The following RIMKLA variants were observed in gnomAD, a reference collection of about 807,000 sequenced individuals.
RIMKLA encodes N-acetylaspartylglutamate synthase A.
RIMKLA carries 14 observed loss-of-function variants against 32.7 expected under a neutral mutation model. That is an observed-to-expected ratio of 0.43 (90% CI 0.28 to 0.67). The LOEUF is 0.67. Ranked by LOEUF, RIMKLA falls within the 30% of genes least tolerant of loss-of-function variation. The pLI, the probability that RIMKLA is intolerant of heterozygous loss-of-function variation, is 0.18. For synonymous variants in RIMKLA, 176 were observed against 204.1 expected, an observed-to-expected ratio of 0.86 and a Z score of 1.18; for missense variants, 410 against 519.0, an observed-to-expected ratio of 0.79 and a Z score of 2.04.
chr1:42,401,199 C>T (rs913788611), intron 2 of RIMKLA, among the ~76,000 whole-genome samples: 1 of 152,016 alleles, frequency 6.6e-6, no homozygotes, highest in Non-Finnish European at 1.5e-5. Context: ...AATCTAATGC[C>T]GCCACTGATC....
intron 1 of RIMKLA, among the ~76,000 whole-genome samples, chr1:42,394,678 T>C (rs566639055): frequency 5.7e-4 from 87 of 152,338 alleles, no homozygotes; most frequent in African/African-American, 2.0e-3. Context: ...GCTATTTCTC[T>C]TTATCATAAA....
chr1:42,407,842 G>A (rs1643160709), intron 3 of RIMKLA, among the ~76,000 whole-genome samples: 1 of 152,084 alleles, frequency 6.6e-6, no homozygotes, highest in Non-Finnish European at 1.5e-5. Context: ...CAAACTGCTT[G>A]GCACTTAGTA....
intron 1 of RIMKLA, among the ~76,000 whole-genome samples, chr1:42,390,002 A>G (rs1000188427): frequency 1.3e-5 from 2 of 151,676 alleles, no homozygotes; most frequent in African/African-American, 4.8e-5. Flanking sequence ...AAAGGCTATC[A>G]GGATTGAGAC....
rs1024987970 is a variant in RIMKLA, at chr1:42,423,412, C to A, written c.*8438C>A. Among the ~76,000 whole-genome samples the A allele has an allele frequency of 1.3e-5, 2 of 152,158 alleles. No individual in the cohort carries two copies. Among genetic ancestry groups the A allele is most frequent in the Non-Finnish European group, 2.9e-5 (2 of 68,026 alleles). On this transcript the variant is annotated 3_prime_UTR_variant, in exon 5 of 5. Coordinates refer to ENST00000431473, the MANE Select transcript of RIMKLA (RefSeq NM_173642.4). ...CACATATAAAAAGATTAGCAGTAAT[C>A]CCTTGATACCATCTAATTCCCAGTC...
chr1:42,402,636 GGT>G (rs1220968324), intron 2 of RIMKLA, among the ~76,000 whole-genome samples: 1 of 151,312 alleles, frequency 6.6e-6, no homozygotes. Context: ...TGTTGCCCAG[GGT>G]GTACTGCAGT....
chr1:42,419,143 T>C lies in RIMKLA; in HGVS notation c.*4169T>C, dbSNP rs907748851. 6.6e-6 allele frequency: 1 copy of C among 152,236 alleles called. No individual in the cohort carries two copies. The highest frequency in any genetic ancestry group is 1.5e-5 in the Non-Finnish European group (1 of 68,050). The allele number at this position is 152,236 out of a possible 1,614,324, so 9.4% of individuals were successfully genotyped here. On this transcript the variant is annotated 3_prime_UTR_variant, in exon 5 of 5. Transcript: ENST00000431473. ...TAAGGGCTATAATGTTATAATCTTTTCCTAAAACTAAATCATGCCTCCATT... is the reference window on the plus strand; with the variant it reads ...TAAGGGCTATAATGTTATAATCTTTCCCTAAAACTAAATCATGCCTCCATT...
Position 42,380,876 on chromosome 1 carries a change from G to A in RIMKLA, c.-59G>A. 8.4e-7 allele frequency: 1 copy of A among 1,188,820 alleles called. No homozygotes were observed. The highest frequency in any genetic ancestry group is 3.5e-5 in the East Asian group (1 of 28,576). The allele number at this position is 1,188,820 out of a possible 1,614,324, so 73.6% of individuals were successfully genotyped here. A position where few individuals can be genotyped will look rare whatever the true frequency, so the allele number is the denominator to read the frequency against. On this transcript the variant is annotated 5_prime_UTR_variant, in exon 1 of 5. Coordinates refer to ENST00000431473, the MANE Select transcript of RIMKLA (RefSeq NM_173642.4). ...GCCGCCCCTCCGCTCGCCCTACTGA[G>A]CGAGCGGCCCGGGGCGCCGAGGGGT...
Position 42,410,137 on chromosome 1 carries a change from C to G in RIMKLA, c.635C>G (p.Ser212Cys). The G allele has an allele frequency of 1.9e-6, 3 of 1,614,158 alleles. No individual in the cohort carries two copies. The highest frequency in any genetic ancestry group is 2.5e-6 in the Non-Finnish European group (3 of 1,180,034). ...GTGGTAGGGGGCCAGGTCATAGGCT[C>G]TATGCTTCGCTGCTCCACTGATGGA... Reference protein sequence around the residue: ...VVVVGGQVIGSMLRCSTDGRM... With the variant: ...VVVVGGQVIGCMLRCSTDGRM... The change falls in exon 4 of 5, where the codon TCT (serine) becomes TGT (cysteine). Residue 212 changes from serine (S) to cysteine (C), a missense_variant. Physicochemically the swap from Ser to Cys is moderately radical, Grantham distance 112. Coordinates refer to ENST00000431473, the MANE Select transcript of RIMKLA (RefSeq NM_173642.4).
intron 1 of RIMKLA, among the ~76,000 whole-genome samples, chr1:42,391,796 G>A (rs1643001980): frequency 6.6e-6 from 1 of 152,288 alleles, no homozygotes; most frequent in South Asian, 2.1e-4. Context: ...GCTGAAGAAA[G>A]ATCATGTTGT....
At position 42,414,501 on chromosome 1, in the gene RIMKLA, T is replaced by G. The variant is rs1179675270; in HGVS notation, c.703T>G (p.Cys235Gly). The G allele has an allele frequency of 1.2e-6, 2 of 1,614,106 alleles. No homozygotes were observed. Among genetic ancestry groups the G allele is most frequent in the South Asian group, 1.1e-5 (1 of 91,076 alleles). The change falls in exon 5 of 5, where the codon TGT becomes GGT. Residue 235 changes from cysteine to glycine, a missense_variant. Cys to Gly is a radical substitution (Grantham distance 159). Transcript: ENST00000431473. ...CCCCACAGGTGGCGTGGGCGTCAAG[T>G]GTCCGCTGACAGAACAAGGCAAGCA... Reference protein sequence around the residue: ...NCSLGGVGVKCPLTEQGKQLA... With the variant: ...NCSLGGVGVKGPLTEQGKQLA...
chr1:42,386,107 G>A (rs949371598), intron 1 of RIMKLA, among the ~76,000 whole-genome samples: 4 of 151,632 alleles, frequency 2.6e-5, no homozygotes, highest in Non-Finnish European at 5.9e-5. Flanking sequence ...ATTTTTAGTA[G>A]AGATGGGGTT....
chr1:42,414,195 T>C (rs1178264011), intron 4 of RIMKLA, among the ~76,000 whole-genome samples: 23 of 152,010 alleles, frequency 1.5e-4, no homozygotes. Context: ...TGATTTGTAT[T>C]TTAAATAATA....
intron 1 of RIMKLA, among the ~76,000 whole-genome samples, chr1:42,391,779 CT>C (rs1376259596): frequency 3.3e-5 from 5 of 152,112 alleles, no homozygotes; most frequent in African/African-American, 1.2e-4. Context: ...TGAGCTTTGT[CT>C]TCATAGCTGA....
chr1:42,415,085 A>G lies in RIMKLA; in HGVS notation c.*111A>G. The G allele has an allele frequency of 8.4e-7, 1 of 1,195,808 alleles. No individual in the cohort carries two copies. Among genetic ancestry groups the G allele is most frequent in the Non-Finnish European group, 1.2e-6 (1 of 859,446 alleles). 74.1% of individuals were successfully genotyped at this position (1,195,808 alleles called of 1,614,324 possible). On this transcript the variant is annotated 3_prime_UTR_variant, in exon 5 of 5. Transcript: ENST00000431473. Reference sequence around the variant, plus strand: ...CATTTGCACAGAAACTAGAAATCCCATCTGGGCACTCAGCATTTTTTCTAA... The same window carrying G: ...CATTTGCACAGAAACTAGAAATCCCGTCTGGGCACTCAGCATTTTTTCTAA...
chr1:42,389,416 T>C (rs911669518), intron 1 of RIMKLA, among the ~76,000 whole-genome samples: 3 of 152,000 alleles, frequency 2.0e-5, no homozygotes, highest in East Asian at 1.9e-4. Flanking sequence ...TAGCAAAGAA[T>C]CCTGAGTAAA....
Position 42,421,198 on chromosome 1 carries a change from G to A in RIMKLA, c.*6224G>A, listed in dbSNP as rs1258325478. The A allele has an allele frequency of 2.0e-5, 3 of 152,294 alleles. No homozygotes were observed. The highest frequency in any genetic ancestry group is 7.2e-5 in the African/African-American group (3 of 41,466). The allele number at this position is 152,294 out of a possible 1,614,324, so 9.4% of individuals were successfully genotyped here. A position where few individuals can be genotyped will look rare whatever the true frequency, so the allele number is the denominator to read the frequency against. On this transcript the variant is annotated 3_prime_UTR_variant, in exon 5 of 5. Coordinates refer to ENST00000431473, the MANE Select transcript of RIMKLA (RefSeq NM_173642.4). This position sits in a 1 kb window ranked among gnomAD's most constrained non-coding sequence, Gnocchi z 4.6. The stretch of plus-strand genomic sequence containing the variant: ...TGGCTAAGAAAAATCCTGGAGGAGA[G>A]ACTGCCTCAGACAACTGGGGGGCTG...
chr1:42,423,175 G>T lies in RIMKLA; in HGVS notation c.*8201G>T, dbSNP rs1643308217. Among the ~76,000 whole-genome samples the T allele has an allele frequency of 1.3e-5, 2 of 152,154 alleles. No individual in the cohort carries two copies. Among genetic ancestry groups the T allele is most frequent in the Non-Finnish European group, 2.9e-5 (2 of 68,022 alleles). On this transcript the variant is annotated 3_prime_UTR_variant, in exon 5 of 5. Transcript: ENST00000431473. ...CTGAGGGTCAGGGAGTCCAAATTGA[G>T]GTCAGAGCATCAAAGGGATAGTGCT...
intron 1 of RIMKLA, among the ~76,000 whole-genome samples, chr1:42,385,281 A>G (rs959218153): frequency 1.3e-5 from 2 of 152,116 alleles, no homozygotes; most frequent in Non-Finnish European, 2.9e-5. Flanking sequence ...GGGATGTGTA[A>G]ATGAGGACAG....
intron 2 of RIMKLA, among the ~76,000 whole-genome samples, chr1:42,401,910 G>A (rs896639451): frequency 6.6e-5 from 10 of 152,266 alleles, no homozygotes; most frequent in Non-Finnish European, 1.3e-4. Flanking sequence ...AATCCCTGGG[G>A]AGTTGAGAAA....
Sources: allele counts gnomAD v4.1 joint callset (sites outside exome capture counted in the v4.1 genomes callset), GRCh38; gene constraint gnomAD v4.1.1; non-coding constraint Gnocchi (gnomAD v3.1); transcripts MANE v1.5; gene names NCBI Gene and HGNC (gene_info 2026-07-23, HGNC 2026-07-21).